DMXL1: variants seen among roughly 807,000 people sequenced by gnomAD.
The protein encoded by DMXL1 is dmX-like protein 1.
Under a neutral mutation model 319.2 loss-of-function variants are expected in DMXL1, and 99 were observed. The observed-to-expected ratio is 0.31, with a 90% CI of 0.26 to 0.37. The LOEUF is 0.37. DMXL1 is among the 10% of genes least tolerant of loss of function. The pLI is 1.00. For missense variants in DMXL1, 3,745 were observed against 3,595.6 expected, an observed-to-expected ratio of 1.04 and a Z score of -1.06; for synonymous variants, 1,385 against 1,235.2, an observed-to-expected ratio of 1.12 and a Z score of -2.54.
At chr5:119,215,851 T>C (rs1452653101) in intron 34 of DMXL1, among the ~76,000 whole-genome samples, 1 of 152,000 alleles carries the variant, frequency 6.6e-6, no homozygotes, top group Non-Finnish European at 1.5e-5. Context: ...AATCCCAGCA[T>C]TTGGGAGGCC....
chr5:119,197,671 C>T (rs536860052), intron 31 of DMXL1, 84 bp from the exon 32 acceptor site: 3 of 1,238,900 alleles, frequency 2.4e-6, no homozygotes, highest in African/African-American at 3.0e-5. Context: ...CATCTGCTCT[C>T]CCCTCTCTCA....
In DMXL1 at chr5:119,133,119, C is replaced by G. The variant is rs747484064; in HGVS notation, c.1316-13C>G. 5.0e-6 allele frequency: 8 copies of G among 1,613,204 alleles called. No homozygotes were observed. The South Asian group carries it at 7.7e-5, about 16-fold the overall frequency. ...TTTGTATTTACTTGGTTCATGAACT[C>G]TTTTGCTTATAGAAACTGATGATGG... On this transcript the variant is annotated splice_polypyrimidine_tract_variant and intron_variant, in intron 10 of 43. Coordinates refer to ENST00000539542, the MANE Select transcript of DMXL1 (RefSeq NM_001290321.3).
intron 1 of DMXL1, among the ~76,000 whole-genome samples, chr5:119,077,223 C>T (rs879409278): frequency 9.2e-5 from 14 of 152,128 alleles, no homozygotes; most frequent in Non-Finnish European, 1.9e-4. Flanking sequence ...AACTCCTGGG[C>T]TCAGGTGAGC....
At chr5:119,186,390 TG>T (rs919843745) in intron 28 of DMXL1, among the ~76,000 whole-genome samples, 2 of 152,192 alleles carry the variant, frequency 1.3e-5, no homozygotes, top group Non-Finnish European at 2.9e-5. Context: ...CCCAAGTGGC[TG>T]GGACTACAGG....
intron 13 of DMXL1, among the ~76,000 whole-genome samples, 178 bp downstream of exon 13, chr5:119,134,567 A>G (rs1765587420): frequency 2.0e-5 from 3 of 152,170 alleles, no homozygotes; most frequent in South Asian, 2.1e-4. Context: ...AAAGGAAACC[A>G]TTTCTTTCAC....
At chr5:119,161,354 GT>G (rs1444106696) in intron 19 of DMXL1, among the ~76,000 whole-genome samples, 2 of 152,262 alleles carry the variant, frequency 1.3e-5, no homozygotes, top group African/African-American at 4.8e-5. Context: ...TACAGGATGT[GT>G]TCTCTGGCCA....
intron 24 of DMXL1, 22 bp downstream of exon 24, chr5:119,171,302 C>A (rs1774492934): frequency 1.3e-6 from 2 of 1,552,130 alleles, no homozygotes; most frequent in South Asian, 2.5e-5. Context: ...ACTTGATAGT[C>A]AAAAATGGTA....
At chr5:119,084,029 C>G (rs995610151) in intron 1 of DMXL1, among the ~76,000 whole-genome samples, 7 of 152,086 alleles carry the variant, frequency 4.6e-5, no homozygotes, top group Non-Finnish European at 1.0e-4. Context: ...TTTGCATTTT[C>G]CTGATGATTT....
chr5:119,111,629 G>A (rs745660600), intron 5 of DMXL1, among the ~76,000 whole-genome samples: 8 of 152,214 alleles, frequency 5.3e-5, no homozygotes, highest in Non-Finnish European at 8.8e-5. Flanking sequence ...AGTTCTAACC[G>A]TATCAATAAA....
At chr5:119,222,949 A>G (rs978200510) in intron 37 of DMXL1, among the ~76,000 whole-genome samples, 1 of 151,812 alleles carries the variant, frequency 6.6e-6, no homozygotes, top group Admixed American at 6.6e-5. Flanking sequence ...TGGCTTCCCT[A>G]ATTAAGGCAT....
intron 8 of DMXL1, among the ~76,000 whole-genome samples, chr5:119,119,242 T>A (rs1428613496): frequency 1.3e-5 from 2 of 152,214 alleles, no homozygotes; most frequent in Non-Finnish European, 2.9e-5. Context: ...GATGATTACA[T>A]TTGACTTGGC....
rs770515646 is a variant in DMXL1 at position 119,203,407 on chromosome 5, A to G, written c.7834A>G (p.Ile2612Val). ...EEIQETFIKN[I>V]FTKKRCLNES... ...AATTCAGGAAACCTTTATCAAAAATATATTCACAAAGAAACGGTGTCTAAA... is the reference window on the plus strand; with the variant it reads ...AATTCAGGAAACCTTTATCAAAAATGTATTCACAAAGAAACGGTGTCTAAA... The change falls in exon 33 of 44, where the codon ATA becomes GTA. Residue 2612 changes from isoleucine (I) to valine (V), a missense_variant. Around this residue, in one of 4 missense-constraint regions of DMXL1, gnomAD observed 1,382 missense variants for 1,269.5 expected, o/e 1.09. Coordinates refer to ENST00000539542, the MANE Select transcript of DMXL1 (RefSeq NM_001290321.3). 32 of 1,603,950 alleles carry G rather than the reference A, an allele frequency of 2.0e-5. No homozygotes were observed. The highest frequency in any genetic ancestry group is 2.6e-5 in the Non-Finnish European group (30 of 1,175,638).
chr5:119,246,378 C>A (rs1484491546), intron 43 of DMXL1, among the ~76,000 whole-genome samples: 1 of 152,116 alleles, frequency 6.6e-6, no homozygotes, highest in Non-Finnish European at 1.5e-5. Context: ...TGATTTTAAT[C>A]CCTACAGTAT....
chr5:119,233,341 T>C lies in DMXL1; in HGVS notation c.8340T>C (p.Tyr2780=). ...RMTSHPTLPY[Y]LTGAQDGSVR... is the part of the protein sequence containing the mutation. The stretch of plus-strand genomic sequence containing the variant: ...AATTTTTGCCCTCTTGTAATGCAGA[T>C]CTGACAGGAGCTCAAGATGGAAGTG... Residue 2780 remains tyrosine (Y), a splice_region_variant and synonymous_variant, in exon 39 of 44, where the codon TAT becomes TAC. Coordinates refer to ENST00000539542, the MANE Select transcript of DMXL1 (RefSeq NM_001290321.3). 1 of 1,611,818 alleles carries C rather than the reference T, an allele frequency of 6.2e-7. No homozygotes were observed. Among genetic ancestry groups the C allele is most frequent in the Non-Finnish European group, 8.5e-7 (1 of 1,178,722 alleles).
At chr5:119,166,187 C>T (rs1211629119) in intron 21 of DMXL1, among the ~76,000 whole-genome samples, 1 of 152,150 alleles carries the variant, frequency 6.6e-6, no homozygotes, top group Non-Finnish European at 1.5e-5. Context: ...GGAAAAATCA[C>T]GATAACAAAT....
intron 30 of DMXL1, among the ~76,000 whole-genome samples, chr5:119,196,150 T>C (rs373192570): frequency 1.3e-5 from 2 of 152,194 alleles, no homozygotes; most frequent in African/African-American, 2.4e-5. Context: ...AAAATAGTTA[T>C]TCAACAAGTA....
chr5:119,215,850 A>T (rs532614702), intron 34 of DMXL1, among the ~76,000 whole-genome samples: 1 of 152,182 alleles, frequency 6.6e-6, no homozygotes, highest in African/African-American at 2.4e-5. Context: ...TAATCCCAGC[A>T]TTTGGGAGGC....
intron 1 of DMXL1, among the ~76,000 whole-genome samples, chr5:119,084,710 A>G (rs906734147): frequency 2.0e-5 from 3 of 151,982 alleles, no homozygotes; most frequent in Admixed American, 6.5e-5. Flanking sequence ...TACTAAAAAT[A>G]CAAAATTAGC....
chr5:119,201,139 T>A (rs778618254), intron 32 of DMXL1, among the ~76,000 whole-genome samples: 5 of 152,306 alleles, frequency 3.3e-5, no homozygotes, highest in Non-Finnish European at 7.3e-5. Flanking sequence ...CATCCTTGTC[T>A]TGTGTTGGTT....
Sources: allele counts gnomAD v4.1 joint callset (sites outside exome capture counted in the v4.1 genomes callset), GRCh38; gene constraint gnomAD v4.1.1; regional missense constraint gnomAD v4.1.1; transcripts MANE v1.5; gene names NCBI Gene and HGNC (gene_info 2026-07-23, HGNC 2026-07-21).